TYW1: variants seen among roughly 807,000 people sequenced by gnomAD.
TYW1 encodes S-adenosyl-L-methionine-dependent tRNA 4-demethylwyosine synthase TYW1.
Under a neutral mutation model 96.2 loss-of-function variants are expected in TYW1, and 46 were observed. The ratio of observed to expected loss-of-function variants is 0.48; its 90% CI spans 0.38 to 0.61. The LOEUF is 0.61. Ranked by LOEUF, TYW1 falls within the 20% of genes least tolerant of loss-of-function variation. TYW1 has a pLI of 0.00. For synonymous variants in TYW1, 274 were observed against 323.0 expected (o/e 0.85, Z 1.63); for missense variants, 684 against 909.6 (o/e 0.75, Z 3.19).
chr7:67,024,802 A>C, intron 6 of TYW1, 98 bp from the exon 7 acceptor site: 1 of 1,513,420 alleles, frequency 6.6e-7, no homozygotes, highest in Non-Finnish European at 8.8e-7. Flanking sequence ...AAAAAAAAGA[A>C]TTTAGAGACA....
rs145073428 is a variant in TYW1 at position 67,164,853 on chromosome 7, G to A, written c.1699-18273G>A. Among the ~76,000 whole-genome samples the A allele has an allele frequency of 5.2e-3, 793 of 151,994 alleles. 7 individuals are homozygous for A. Among genetic ancestry groups the A allele is most frequent in the Middle Eastern group, 0.017 (5 of 292 alleles). On this transcript the variant is annotated intron_variant, in intron 13 of 15. Transcript: ENST00000359626. ...AATCATCTAGCCATTCCTTGGGATT[G>A]AACATCTTGTCATCATCTTGAGTTT...
chr7:67,159,628 C>G (rs1043509023), intron 13 of TYW1, among the ~76,000 whole-genome samples: 8 of 152,006 alleles, frequency 5.3e-5, no homozygotes, highest in Non-Finnish European at 1.0e-4. Flanking sequence ...CATCCCCCAC[C>G]TCCAAAGGTA....
At chr7:67,148,078 A>G (rs1203695196) in intron 13 of TYW1, among the ~76,000 whole-genome samples, 1 of 151,976 alleles carries the variant, frequency 6.6e-6, no homozygotes, top group African/African-American at 2.4e-5. Flanking sequence ...ACAGATGGTC[A>G]TCTTGGGAGG....
chr7:67,220,348 C>T (rs374718747), intron 15 of TYW1, among the ~76,000 whole-genome samples: 3 of 151,676 alleles, frequency 2.0e-5, no homozygotes, highest in Non-Finnish European at 4.4e-5. Flanking sequence ...GGACTACAGG[C>T]GCCTGCCACC....
At chr7:67,177,951 C>T (rs1016614956) in intron 13 of TYW1, among the ~76,000 whole-genome samples, 5 of 143,080 alleles carry the variant, frequency 3.5e-5, no homozygotes, top group East Asian at 2.0e-4. Context: ...CCCAAGAGTT[C>T]GAGACCAGCC....
chr7:67,056,537 T>C (rs1795524388), intron 9 of TYW1, among the ~76,000 whole-genome samples: 1 of 151,306 alleles, frequency 6.6e-6, no homozygotes, highest in African/African-American at 2.4e-5. Context: ...AATCATGTAA[T>C]GTGCAGTCTT....
At chr7:67,196,124 T>C (rs1485734585) in intron 15 of TYW1, among the ~76,000 whole-genome samples, 6 of 152,014 alleles carry the variant, frequency 3.9e-5, no homozygotes, top group African/African-American at 1.5e-4. Flanking sequence ...TTGGGTAGTT[T>C]CTATTGATTC....
intron 13 of TYW1, among the ~76,000 whole-genome samples, chr7:67,168,849 C>T (rs1435545185): frequency 6.6e-6 from 1 of 151,968 alleles, no homozygotes; most frequent in African/African-American, 2.4e-5. Context: ...GTAGCTGGGA[C>T]TACAGGCATG....
At chr7:67,108,482 C>T (rs1797306007) in intron 12 of TYW1, among the ~76,000 whole-genome samples, 1 of 149,186 alleles carries the variant, frequency 6.7e-6, no homozygotes. Flanking sequence ...CACCCTGTCA[C>T]CCAGCCTGGA....
intron 13 of TYW1, among the ~76,000 whole-genome samples, chr7:67,132,968 A>T (rs531531741): frequency 8.5e-5 from 13 of 152,140 alleles, no homozygotes; most frequent in African/African-American, 3.1e-4. Flanking sequence ...TTTCTTTCGG[A>T]ACTAACCTGT....
At chr7:67,160,206 G>A (rs1379133674) in intron 13 of TYW1, among the ~76,000 whole-genome samples, 1 of 152,126 alleles carries the variant, frequency 6.6e-6, no homozygotes, top group Non-Finnish European at 1.5e-5. Flanking sequence ...AGGCTGCAGT[G>A]AGCTGTGATT....
At chr7:67,085,122 G>A (rs1796508123) in intron 11 of TYW1, among the ~76,000 whole-genome samples, 1 of 152,136 alleles carries the variant, frequency 6.6e-6, no homozygotes, top group South Asian at 2.1e-4. Context: ...TCAGTAATTA[G>A]CATTCTGAAG....
chr7:67,034,853 C>T (rs1584486974), intron 7 of TYW1, among the ~76,000 whole-genome samples: 2 of 152,146 alleles, frequency 1.3e-5, no homozygotes, highest in Admixed American at 6.6e-5. Flanking sequence ...GAAATTCCGG[C>T]GTCAAAGGGA....
chr7:67,063,776 G>T (rs1233534731), intron 9 of TYW1, among the ~76,000 whole-genome samples: 1 of 152,038 alleles, frequency 6.6e-6, no homozygotes, highest in Non-Finnish European at 1.5e-5. Context: ...GCTAATTTTT[G>T]TATTTTTAGT....
In TYW1 at chr7:67,091,691, A is replaced by G. The variant is rs568794748; in HGVS notation, c.1385-6850A>G. Among the ~76,000 whole-genome samples the G allele has an allele frequency of 9.8e-5, 15 of 152,332 alleles. No individual in the cohort carries two copies. In the East Asian group the frequency reaches 2.1e-3, roughly 22 times the overall value. On this transcript the variant is annotated intron_variant, in intron 11 of 15. Transcript: ENST00000359626. ...GAGGACCAGTGTAACAGCCTCTGGCAGAGAGCAAGAAATAAATAGAAACAT... is the reference window on the plus strand; with the variant it reads ...GAGGACCAGTGTAACAGCCTCTGGCGGAGAGCAAGAAATAAATAGAAACAT...
chr7:67,197,303 G>A (rs1800426406), intron 15 of TYW1, among the ~76,000 whole-genome samples: 1 of 151,456 alleles, frequency 6.6e-6, no homozygotes, highest in African/African-American at 2.4e-5. Flanking sequence ...TCCCTACAAG[G>A]TAGGTACTAT....
chr7:67,209,531 A>G (rs373230413), intron 15 of TYW1, among the ~76,000 whole-genome samples: 3 of 152,278 alleles, frequency 2.0e-5, no homozygotes, highest in Non-Finnish European at 1.5e-5. Flanking sequence ...CAGAATCCAC[A>G]TAGCAGTGTT....
At chr7:67,172,892 GGAGGATCACTT>G (rs1799559236) in intron 13 of TYW1, among the ~76,000 whole-genome samples, 1 of 151,900 alleles carries the variant, frequency 6.6e-6, no homozygotes, top group Non-Finnish European at 1.5e-5. Context: ...GTTCAAGGTA[GGAGGATCACTT>G]GAGTCCAGGG....
At chr7:67,151,798 G>T (rs1798808028) in intron 13 of TYW1, among the ~76,000 whole-genome samples, 1 of 138,416 alleles carries the variant, frequency 7.2e-6, no homozygotes, top group African/African-American at 2.9e-5. Flanking sequence ...TGCTGCTGCT[G>T]CTTTTTTTGT....
Sources: gnomAD v4.1 joint callset for allele counts (sites outside exome capture counted in the v4.1 genomes callset) on GRCh38, gnomAD v4.1.1 for gene constraint, MANE v1.5 for transcripts, NCBI Gene and HGNC (gene_info 2026-07-23, HGNC 2026-07-21) for gene names.